The following ANGPT1 variants were observed in gnomAD, a reference collection of about 807,000 sequenced individuals.
ANGPT1 encodes the protein angiopoietin-1.
ANGPT1 carries 17 observed loss-of-function variants against 62.2 expected under a neutral mutation model. The observed-to-expected ratio is 0.27, with a 90% CI of 0.19 to 0.41. ANGPT1 has a LOEUF of 0.41. Among genes scored for constraint, ANGPT1 ranks in the 10% least tolerant of loss-of-function variants. The pLI is 1.00. For missense variants in ANGPT1, 478 were observed against 594.9 expected, an observed-to-expected ratio of 0.80 and a Z score of 2.04; for synonymous variants, 199 against 198.9, an observed-to-expected ratio of 1.00 and a Z score of 0.00.
intron 1 of ANGPT1, among the ~76,000 whole-genome samples, chr8:107,385,670 G>A (rs1303857168): frequency 6.6e-6 from 1 of 151,918 alleles, no homozygotes; most frequent in Non-Finnish European, 1.5e-5. Context: ...GTACTATGCT[G>A]AATAGGGATG....
At chr8:107,401,819 T>C (rs1320206481) in intron 1 of ANGPT1, among the ~76,000 whole-genome samples, 1 of 152,224 alleles carries the variant, frequency 6.6e-6, no homozygotes, top group Non-Finnish European at 1.5e-5. Context: ...GCTCATTTTA[T>C]GGATTCTATT....
At chr8:107,431,148 G>A (rs982919388) in intron 1 of ANGPT1, among the ~76,000 whole-genome samples, 3 of 152,198 alleles carry the variant, frequency 2.0e-5, no homozygotes, top group Admixed American at 1.3e-4. Flanking sequence ...ATAAGGTAGT[G>A]CATGTGTGTG....
At chr8:107,488,852 T>C (rs1812883945) in intron 1 of ANGPT1, among the ~76,000 whole-genome samples, 1 of 152,202 alleles carries the variant, frequency 6.6e-6, no homozygotes. Context: ...GTCAGCTCTA[T>C]ATCAAGAGTG....
intron 1 of ANGPT1, among the ~76,000 whole-genome samples, chr8:107,359,043 G>A (rs950485969): frequency 1.3e-5 from 2 of 151,972 alleles, no homozygotes; most frequent in Non-Finnish European, 2.9e-5. Context: ...GTACAAAAAT[G>A]TTACCTTATT....
In ANGPT1 at chr8:107,279,486, G is replaced by A. The variant is rs1368006756; in HGVS notation, c.1205+5196C>T. Among the ~76,000 whole-genome samples, 6 of 152,176 alleles carry A rather than the reference G, an allele frequency of 3.9e-5. No homozygotes were observed. In the East Asian group the frequency reaches 1.2e-3, roughly 29 times the overall value. On this transcript the variant is annotated intron_variant, in intron 7 of 8. Transcript: ENST00000517746. ...TAACTGATGAACTTCTTTATTTGAG[G>A]ATGCCCATATGGTGGGTAGTTATAA... is the stretch of plus-strand genomic sequence containing the variant.
chr8:107,297,582 C>A lies in ANGPT1; in HGVS notation c.937-3545G>T, dbSNP rs554311886. Among the ~76,000 whole-genome samples the A allele has an allele frequency of 4.7e-5, 7 of 148,694 alleles. No homozygotes were observed. The South Asian group carries it at 1.5e-3, about 31-fold the overall frequency. On this transcript the variant is annotated intron_variant, in intron 5 of 8. Transcript: ENST00000517746. Reference sequence around the variant, plus strand: ...AATTTAATATACTATAGTTATATAACATTGCATACAAATTTTATAATTTAT... The same window carrying A: ...AATTTAATATACTATAGTTATATAAAATTGCATACAAATTTTATAATTTAT...
chr8:107,460,412 A>G (rs1375642244), intron 1 of ANGPT1, among the ~76,000 whole-genome samples: 1 of 152,156 alleles, frequency 6.6e-6, no homozygotes, highest in Admixed American at 6.6e-5. Context: ...TAGTAAATAA[A>G]ACTAAAAATG....
At chr8:107,360,421 T>C (rs574849810) in intron 1 of ANGPT1, among the ~76,000 whole-genome samples, 4 of 152,138 alleles carry the variant, frequency 2.6e-5, no homozygotes, top group African/African-American at 9.7e-5. Flanking sequence ...GCAGTCGATA[T>C]TCAGACTCAA....
At chr8:107,264,645 C>T (rs2514884) in intron 7 of ANGPT1, among the ~76,000 whole-genome samples, 129,525 of 152,158 alleles carry the variant, frequency 0.85, 55,147 homozygotes, top group Middle Eastern at 0.89. Context: ...TAAACATAAA[C>T]GCTTTTTACA....
In ANGPT1 at chr8:107,497,528, C is replaced by T; in HGVS notation, c.31G>A (p.Ala11Thr). The T allele has an allele frequency of 6.2e-7, 1 of 1,614,014 alleles. No individual in the cohort carries two copies. The highest frequency in any genetic ancestry group is 8.5e-7 in the Non-Finnish European group (1 of 1,179,976). The change falls in exon 1 of 9, where the codon GCT (alanine) becomes ACT (threonine). Residue 11 changes from alanine (A) to threonine (T), a missense_variant. Around this residue, in one of 4 missense-constraint regions of ANGPT1, gnomAD observed 343 missense variants for 355.4 expected, o/e 0.97. Transcript: ENST00000517746. MTVFLSFAFL[A>T]AILTHIGCSN... ...CACCCTATGTGAGTCAGAATGGCAG[C>T]GAGGAAAGCAAAGGAAAGGAAAACT... is the stretch of plus-strand genomic sequence containing the variant.
intron 2 of ANGPT1, among the ~76,000 whole-genome samples, chr8:107,336,729 A>G (rs961889044): frequency 1.3e-5 from 2 of 151,400 alleles, no homozygotes; most frequent in Non-Finnish European, 2.9e-5. Context: ...AATGTTTTAC[A>G]TGCCTTTCAG....
At chr8:107,459,303 A>G (rs1250389142) in intron 1 of ANGPT1, among the ~76,000 whole-genome samples, 1 of 152,118 alleles carries the variant, frequency 6.6e-6, no homozygotes, top group African/African-American at 2.4e-5. Context: ...TAATCCTAGT[A>G]CTTTGGGAGA....
chr8:107,408,363 G>A (rs1817192147), intron 1 of ANGPT1, among the ~76,000 whole-genome samples: 1 of 152,168 alleles, frequency 6.6e-6, no homozygotes, highest in Non-Finnish European at 1.5e-5. Flanking sequence ...ATCATGATTT[G>A]TAGAGGAAAA....
At chr8:107,379,926 G>A (rs1255100054) in intron 1 of ANGPT1, among the ~76,000 whole-genome samples, 1 of 152,118 alleles carries the variant, frequency 6.6e-6, no homozygotes, top group Non-Finnish European at 1.5e-5. Flanking sequence ...CCACTAACCA[G>A]ATGTTGGGGT....
Position 107,290,484 on chromosome 8 carries a change from T to C in ANGPT1, c.1038+3452A>G, listed in dbSNP as rs138612030. On this transcript the variant is annotated intron_variant, in intron 6 of 8. Transcript: ENST00000517746. ...TGCAGGAAATAGAAGTAGGTGTGAT[T>C]GATAAGAACTGGCATAAGGAGTCTA... 6.8e-4 allele frequency among the ~76,000 whole-genome samples: 104 copies of C among 152,270 alleles called. 1 individual carries two copies. The East Asian group carries it at 0.02, about 29-fold the overall frequency.
Position 107,321,934 on chromosome 8 carries a change from G to C in ANGPT1, c.770C>G (p.Thr257Arg), listed in dbSNP as rs141029929. 2.5e-6 allele frequency: 4 copies of C among 1,613,986 alleles called. No individual in the cohort carries two copies. The highest frequency in any genetic ancestry group is 3.4e-6 in the Non-Finnish European group (4 of 1,179,874). ...GCAAAGATTGACAAGGTTGTGGACT[G>C]TGTCCATCAGCTCCAGTTGCTGCTT... ...LQKQQLELMDTVHNLVNLCTK... is the reference protein window; with the variant it reads ...LQKQQLELMDRVHNLVNLCTK... Residue 257 changes from threonine (T) to arginine (R), a missense_variant, in exon 4 of 9, where the codon ACA (threonine) becomes AGA (arginine). Coordinates refer to ENST00000517746, the MANE Select transcript of ANGPT1 (RefSeq NM_001146.5).
intron 5 of ANGPT1, among the ~76,000 whole-genome samples, chr8:107,296,956 GT>G (rs1158616102): frequency 1.3e-5 from 2 of 151,994 alleles, no homozygotes; most frequent in African/African-American, 4.8e-5. Context: ...TAGTTTTTAA[GT>G]CACTCACAAA....
In ANGPT1 at chr8:107,321,951, T is replaced by C. The variant is rs777508468; in HGVS notation, c.753A>G (p.Gln251=). The C allele has an allele frequency of 4.3e-5, 70 of 1,613,940 alleles. 1 individual carries two copies. The highest frequency in any genetic ancestry group is 1.6e-4 in the Middle Eastern group (1 of 6,082). Residue 251 remains glutamine (Q), a synonymous_variant, in exon 4 of 9, where the codon CAA becomes CAG. Transcript: ENST00000517746. ...TTNNSVLQKQ[Q]LELMDTVHNL... ...TGTGGACTGTGTCCATCAGCTCCAGTTGCTGCTTCTGAAGGACACTGTTGT... is the reference window on the plus strand; with the variant it reads ...TGTGGACTGTGTCCATCAGCTCCAGCTGCTGCTTCTGAAGGACACTGTTGT...
intron 2 of ANGPT1, among the ~76,000 whole-genome samples, chr8:107,339,869 T>C (rs1236907831): frequency 6.6e-6 from 1 of 152,198 alleles, no homozygotes; most frequent in Non-Finnish European, 1.5e-5. Flanking sequence ...AGTCTAAATC[T>C]AGAGCAGCAT....
Sources: allele counts gnomAD v4.1 joint callset (sites outside exome capture counted in the v4.1 genomes callset), GRCh38; gene constraint gnomAD v4.1.1; regional missense constraint gnomAD v4.1.1; transcripts MANE v1.5; gene names NCBI Gene and HGNC (gene_info 2026-07-23, HGNC 2026-07-21).